CHST15: variants seen among roughly 807,000 people sequenced by gnomAD.
CHST15 encodes the protein carbohydrate sulfotransferase 15.
Under a neutral mutation model 53.6 loss-of-function variants are expected in CHST15, and 30 were observed. The observed-to-expected ratio is 0.56, with a 90% confidence interval of 0.42 to 0.76. The LOEUF (loss-of-function observed/expected upper bound fraction) is 0.76. Among genes scored for constraint, CHST15 ranks in the 30% least tolerant of loss-of-function variants. The probability of loss-of-function intolerance (pLI) is 0.00; values close to 1 mark genes in which losing one functional copy is unlikely to be tolerated. For missense variants in CHST15, 627 were observed against 740.5 expected, an observed-to-expected ratio of 0.85 and a Z score of 1.78; for synonymous variants, 296 against 289.8, an observed-to-expected ratio of 1.02 and a Z score of -0.22.
chr10:124,058,075 C>T (rs1264488462), intron 1 of CHST15, among the ~76,000 whole-genome samples: 2 of 152,144 alleles, frequency 1.3e-5, no homozygotes, highest in African/African-American at 4.8e-5. Flanking sequence ...TTTCAGAGTG[C>T]TCATTTTATT....
At position 124,010,359 on chromosome 10, in the gene CHST15, G is replaced by C. The variant is rs1224797576; in HGVS notation, c.1496-20C>G. Reference sequence around the variant, plus strand: ...AGGGCCCTAGAATAAAAGAAGACGAGTCCCGTAAGGCAGGAGGCATGGCAG... The same window carrying C: ...AGGGCCCTAGAATAAAAGAAGACGACTCCCGTAAGGCAGGAGGCATGGCAG... On this transcript the variant is annotated intron_variant, in intron 7 of 7. Transcript: ENST00000435907. The C allele has an allele frequency of 6.5e-7, 1 of 1,547,234 alleles. No homozygotes were observed. The highest frequency in any genetic ancestry group is 1.2e-5 in the South Asian group (1 of 82,312).
chr10:124,022,532 A>C (rs148395977), intron 5 of CHST15, among the ~76,000 whole-genome samples: 37 of 152,338 alleles, frequency 2.4e-4, no homozygotes, highest in African/African-American at 8.7e-4. Context: ...CCGTGCTAAT[A>C]AACACCAGTG....
At chr10:124,029,914 C>T (rs930684984) in intron 5 of CHST15, among the ~76,000 whole-genome samples, 8 of 152,204 alleles carry the variant, frequency 5.3e-5, no homozygotes, top group African/African-American at 1.7e-4. Flanking sequence ...CCCAGCCCAG[C>T]GGGCACACAT....
At chr10:124,059,299 CA>C (rs1225942535) in intron 1 of CHST15, among the ~76,000 whole-genome samples, 1 of 152,162 alleles carries the variant, frequency 6.6e-6, no homozygotes, top group Non-Finnish European at 1.5e-5. Context: ...CCTCAATTAC[CA>C]GGAAAAAGTG....
Position 124,009,813 on chromosome 10 carries a change from G to A in CHST15, c.*336C>T. On this transcript the variant is annotated 3_prime_UTR_variant, in exon 8 of 8. Transcript: ENST00000435907. ...GAGGCTCTCCAGAAGGCGGAGGCGG[G>A]CAGGGCCAGGCTGCCTTCCCTAGGT... 9.2e-7 allele frequency: 1 copy of A among 1,087,448 alleles called. No individual in the cohort carries two copies. Among genetic ancestry groups the A allele is most frequent in the East Asian group, 7.8e-5 (1 of 12,752 alleles). 67.4% of individuals were successfully genotyped at this position (1,087,448 alleles called of 1,614,324 possible).
Position 124,044,830 on chromosome 10 carries a change from G to A in CHST15, c.636C>T (p.Pro212=). Residue 212 remains proline, a synonymous_variant, in exon 3 of 8, where the codon CCC becomes CCT. Coordinates refer to ENST00000435907, the MANE Select transcript of CHST15 (RefSeq NM_001270764.2). Reference sequence around the variant, plus strand: ...AGAGCACGTAGGAGTTGGTGAGGTAGGGGTCGGTGGTGTTCTGCCCCGAGA... The same window carrying A: ...AGAGCACGTAGGAGTTGGTGAGGTAAGGGTCGGTGGTGTTCTGCCCCGAGA... ...EEFSGQNTTD[P]YLTNSYVLYS... 4 of 1,563,286 alleles carry A rather than the reference G, an allele frequency of 2.6e-6. No homozygotes were observed. Among genetic ancestry groups the A allele is most frequent in the East Asian group, 2.4e-5 (1 of 42,518 alleles).
chr10:124,085,495 A>G, intron 1 of CHST15, among the ~76,000 whole-genome samples: 1 of 152,352 alleles, frequency 6.6e-6, no homozygotes, highest in East Asian at 1.9e-4. Flanking sequence ...CCACACTATC[A>G]AACTCAGTGT....
intron 1 of CHST15, among the ~76,000 whole-genome samples, chr10:124,092,623 G>C (rs568932563): frequency 6.6e-6 from 1 of 152,166 alleles, no homozygotes; most frequent in Admixed American, 6.5e-5. Context: ...TGGCCTCCCC[G>C]CCCGGAACCG....
chr10:124,069,424 G>T (rs1948845584), intron 1 of CHST15, among the ~76,000 whole-genome samples: 1 of 152,164 alleles, frequency 6.6e-6, no homozygotes, highest in Non-Finnish European at 1.5e-5. Flanking sequence ...GAGGCACCAT[G>T]AACAGAGTAA....
At chr10:124,026,899 A>G (rs960482583) in intron 5 of CHST15, among the ~76,000 whole-genome samples, 2 of 152,164 alleles carry the variant, frequency 1.3e-5, no homozygotes, top group Non-Finnish European at 2.9e-5. Flanking sequence ...GGGCAGGCTA[A>G]CACGAGGGGA....
chr10:124,045,673 C>T lies in CHST15; in HGVS notation c.540G>A (p.Glu180=). ...LPDLEDLKKQ[E]LHMFSVIPNK... is the part of the protein sequence containing the mutation. The stretch of plus-strand genomic sequence containing the variant: ...TTAGCACAAAGCTACTCACATGCAA[C>T]TCCTGCTTCTTAAGGTCTTCTAAGT... The change falls in exon 2 of 8, where the codon GAG becomes GAA. Residue 180 remains glutamate (E), a synonymous_variant. Transcript: ENST00000435907. The T allele has an allele frequency of 6.3e-7, 1 of 1,589,118 alleles. No homozygotes were observed.
At chr10:124,032,609 TTAAA>T (rs1337981952) in intron 5 of CHST15, among the ~76,000 whole-genome samples, 3 of 152,164 alleles carry the variant, frequency 2.0e-5, no homozygotes, top group Non-Finnish European at 4.4e-5. Context: ...ACGAATGGGA[TTAAA>T]TAAAGAAAAA....
At chr10:124,030,224 C>T (rs1947174424) in intron 5 of CHST15, among the ~76,000 whole-genome samples, 1 of 152,130 alleles carries the variant, frequency 6.6e-6, no homozygotes, top group Non-Finnish European at 1.5e-5. Context: ...GCTGCCAGCT[C>T]TCCCTCCCCG....
At chr10:124,011,204 T>C in intron 7 of CHST15, 3 of 794,526 alleles carry the variant, frequency 3.8e-6, no homozygotes, top group Non-Finnish European at 3.0e-6. Context: ...TGCTCAAGCC[T>C]CTTTACCGGG....
At chr10:124,018,912 T>A (rs1946676047) in intron 6 of CHST15, among the ~76,000 whole-genome samples, 1 of 152,042 alleles carries the variant, frequency 6.6e-6, no homozygotes, top group Admixed American at 6.6e-5. Context: ...GGAAAAGGAC[T>A]CGTGGGTGGA....
intron 7 of CHST15, chr10:124,011,008 G>C: frequency 2.0e-6 from 2 of 984,406 alleles, no homozygotes; most frequent in Non-Finnish European, 2.4e-6. Flanking sequence ...CAGGCTGGCA[G>C]AGGTTGTCAG....
At chr10:124,011,704 C>A in intron 7 of CHST15, 2 of 985,454 alleles carry the variant, frequency 2.0e-6, no homozygotes, top group Non-Finnish European at 2.4e-6. Context: ...GACTCTCAGG[C>A]CCCTGGGGGG....
intron 1 of CHST15, among the ~76,000 whole-genome samples, chr10:124,061,415 G>A (rs777297493): frequency 5.3e-5 from 8 of 152,196 alleles, no homozygotes; most frequent in Non-Finnish European, 8.8e-5. Flanking sequence ...TGTAAGAAGT[G>A]CCTTTTGCCT....
intron 5 of CHST15, among the ~76,000 whole-genome samples, chr10:124,021,664 T>G (rs1435319822): frequency 6.6e-6 from 1 of 152,196 alleles, no homozygotes; most frequent in African/African-American, 2.4e-5. Context: ...GCCGCTTTTA[T>G]GGTGTTGCTT....
Sources: allele counts gnomAD v4.1 joint callset (sites outside exome capture counted in the v4.1 genomes callset), GRCh38; gene constraint gnomAD v4.1.1; transcripts MANE v1.5; gene names NCBI Gene and HGNC (gene_info 2026-07-23, HGNC 2026-07-21).